Variants in C1orf141 observed in about 807,000 individuals in gnomAD.
The protein encoded by C1orf141 is chromosome 1 open reading frame 141.
In C1orf141, 19 loss-of-function variants were observed where a neutral mutation model predicts 23.2. That is an observed-to-expected ratio of 0.82 (90% CI 0.57 to 1.20). The LOEUF (loss-of-function observed/expected upper bound fraction) is 1.20, where lower values mean the gene tolerates loss of function less well. C1orf141 is among the 50% of genes most tolerant of loss of function. The pLI, the probability that C1orf141 is intolerant of heterozygous loss-of-function variation, is 0.00. For synonymous variants in C1orf141, 153 were observed against 154.6 expected, an observed-to-expected ratio of 0.99 and a Z score of 0.08; for missense variants, 469 against 455.1, an observed-to-expected ratio of 1.03 and a Z score of -0.28.
At position 67,093,111 on chromosome 1, in the gene C1orf141, G is replaced by C; in HGVS notation, c.1097C>G (p.Pro366Arg). Residue 366 changes from proline (P) to arginine (R), a missense_variant, in exon 8 of 8, where the codon CCT (proline) becomes CGT (arginine). Physicochemically the swap from Pro to Arg is moderately radical, Grantham distance 103. Around this residue, in one of 3 missense-constraint regions of C1orf141, gnomAD observed 370 missense variants for 348.1 expected, o/e 1.06. Transcript: ENST00000684719. Reference sequence around the variant, plus strand: ...AAAAGGCTTTGAGTAACATTTGACAGGTAAGGCACTGGATGTGGGTATGCT... The same window carrying C: ...AAAAGGCTTTGAGTAACATTTGACACGTAAGGCACTGGATGTGGGTATGCT... ...PTSIPTSSAL[P>R]VKCYSKPFKY... 1 of 1,613,770 alleles carries C rather than the reference G, an allele frequency of 6.2e-7. No individual in the cohort carries two copies. The highest frequency in any genetic ancestry group is 8.5e-7 in the Non-Finnish European group (1 of 1,179,730).
intron 1 of C1orf141, among the ~76,000 whole-genome samples, chr1:67,132,487 C>T (rs12563505): frequency 0.026 from 4,022 of 151,982 alleles, 65 homozygotes; most frequent in East Asian, 0.077. Flanking sequence ...CGTGCCACTG[C>T]ACTCCAGCCT....
rs765717641 is a variant in C1orf141, at chr1:67,093,569, G to T, written c.639C>A (p.Asp213Glu). 1.9e-6 allele frequency: 3 copies of T among 1,576,902 alleles called. No homozygotes were observed. Among genetic ancestry groups the T allele is most frequent in the South Asian group, 2.4e-5 (2 of 84,020 alleles). The change falls in exon 8 of 8, where the codon GAC becomes GAA. Residue 213 changes from aspartate to glutamate, a missense_variant. Coordinates refer to ENST00000684719, the MANE Select transcript of C1orf141 (RefSeq NM_001276351.2). ...QKDTNPIIFH[D>E]TEYVRMLLLT... Reference sequence around the variant, plus strand: ...AAAGTAACATTCGTACATATTCTGTGTCATGGAAAATTATGGGATTTGTGT... The same window carrying T: ...AAAGTAACATTCGTACATATTCTGTTTCATGGAAAATTATGGGATTTGTGT...
At position 67,125,801 on chromosome 1, in the gene C1orf141, T is replaced by C; in HGVS notation, c.184A>G (p.Ile62Val). The change falls in exon 4 of 8, where the codon ATA (isoleucine) becomes GTA (valine). Residue 62 changes from isoleucine (I) to valine (V), a missense_variant. Ile to Val is a conservative substitution (Grantham distance 29). Transcript: ENST00000684719. ...EALATSASKAISKIKEDKSCS... is the reference protein window; with the variant it reads ...EALATSASKAVSKIKEDKSCS... ...GACTTGTCTTCTTTGATCTTTGATA[T>C]TGCCTTAGACGCGGATGTAGCAAGA... The C allele has an allele frequency of 1.9e-6, 3 of 1,614,042 alleles. No individual in the cohort carries two copies. Among genetic ancestry groups the C allele is most frequent in the East Asian group, 2.2e-5 (1 of 44,884 alleles).
intron 4 of C1orf141, among the ~76,000 whole-genome samples, chr1:67,124,568 C>A (rs1011276698): frequency 3.3e-5 from 5 of 152,198 alleles, no homozygotes; most frequent in Non-Finnish European, 7.4e-5. Context: ...ATTCGCCCAC[C>A]TCAGCCTCCC....
intron 4 of C1orf141, among the ~76,000 whole-genome samples, chr1:67,125,539 A>C (rs1646389730): frequency 6.6e-6 from 1 of 152,106 alleles, no homozygotes; most frequent in South Asian, 2.1e-4. Flanking sequence ...CTCTATAAAA[A>C]ATACAAAAAA....
At chr1:67,093,637 A>G (rs1645603522) in intron 7 of C1orf141, 33 bp from the exon 8 acceptor site, 1 of 1,476,516 alleles carries the variant, frequency 6.8e-7, no homozygotes, top group Non-Finnish European at 9.0e-7. Flanking sequence ...ATTAGTCATA[A>G]GTTCATTGAG....
chr1:67,113,302 C>A (rs572961106), intron 5 of C1orf141, among the ~76,000 whole-genome samples: 49 of 152,106 alleles, frequency 3.2e-4, no homozygotes, highest in African/African-American at 1.2e-3. Flanking sequence ...TAAATGAAGG[C>A]CAGGGAGGTA....
chr1:67,106,053 A>C (rs867934805), intron 5 of C1orf141, among the ~76,000 whole-genome samples: 60 of 152,326 alleles, frequency 3.9e-4, no homozygotes, highest in Middle Eastern at 3.4e-3. Flanking sequence ...AACTCCTGCA[A>C]GCAGACAGCT....
At chr1:67,123,423 C>T in intron 4 of C1orf141, 1 of 152,018 alleles carries the variant, frequency 6.6e-6, no homozygotes, top group South Asian at 2.1e-4. Context: ...CTCAACTGAT[C>T]TTGACTTTCT....
At chr1:67,099,048 G>T (rs900926985) in intron 5 of C1orf141, among the ~76,000 whole-genome samples, 1 of 152,152 alleles carries the variant, frequency 6.6e-6, no homozygotes, top group Non-Finnish European at 1.5e-5. Context: ...GAAGAAAATA[G>T]AGGAAATTGT....
chr1:67,127,179 G>T lies in C1orf141; in HGVS notation c.62C>A (p.Ala21Asp). Residue 21 changes from alanine (A) to aspartate (D), a missense_variant, in exon 3 of 8, where the codon GCC becomes GAC. Physicochemically the swap from Ala to Asp is moderately radical, Grantham distance 126 (BLOSUM62 -2). Coordinates refer to ENST00000684719, the MANE Select transcript of C1orf141 (RefSeq NM_001276351.2). ...VLDKQAEIIL[A>D]RRTKINRLQS... ...TACGTCACAAACCTTTGTTCTTCTG[G>T]CCAAGATTATCTCTGCTTGCTTATC... 1 of 1,605,828 alleles carries T rather than the reference G, an allele frequency of 6.2e-7. No individual in the cohort carries two copies. Among genetic ancestry groups the T allele is most frequent in the Non-Finnish European group, 8.5e-7 (1 of 1,176,494 alleles).
intron 5 of C1orf141, among the ~76,000 whole-genome samples, chr1:67,114,639 G>T (rs929569332): frequency 6.6e-6 from 1 of 152,164 alleles, no homozygotes; most frequent in Non-Finnish European, 1.5e-5. Context: ...AATTCTCTGA[G>T]AACTGATAAT....
In C1orf141 at chr1:67,096,328, T is replaced by C; in HGVS notation, c.347-7A>G. On this transcript the variant is annotated splice_polypyrimidine_tract_variant and splice_region_variant and intron_variant, in intron 5 of 7. Coordinates refer to ENST00000684719, the MANE Select transcript of C1orf141 (RefSeq NM_001276351.2). ...GGTTTTTTTTCAATTTGAGCTGAAATTTTAAAAGATTTTCATAAAAGACAC... is the reference window on the plus strand; with the variant it reads ...GGTTTTTTTTCAATTTGAGCTGAAACTTTAAAAGATTTTCATAAAAGACAC... 1.4e-6 allele frequency: 2 copies of C among 1,415,796 alleles called. No individual in the cohort carries two copies. The highest frequency in any genetic ancestry group is 2.3e-5 in the East Asian group (1 of 43,730). The allele number at this position is 1,415,796 out of a possible 1,614,324, so 87.7% of individuals were successfully genotyped here. A position where few individuals can be genotyped will look rare whatever the true frequency, so the allele number is the denominator to read the frequency against.
chr1:67,100,732 A>G (rs1222688507), intron 5 of C1orf141, among the ~76,000 whole-genome samples: 2 of 150,426 alleles, frequency 1.3e-5, no homozygotes, highest in Non-Finnish European at 1.5e-5. Context: ...TTGTCCAAAA[A>G]CAATAGATGT....
rs777890551 is a variant in C1orf141 at position 67,115,349 on chromosome 1, TA to T, written c.346+2del. 2 of 1,018,736 alleles carry T rather than the reference TA, an allele frequency of 2.0e-6. No individual in the cohort carries two copies. The highest frequency in any genetic ancestry group is 4.0e-5 in the Admixed American group (2 of 50,536). 63.1% of individuals were successfully genotyped at this position (1,018,736 alleles called of 1,614,324 possible). ...GAAGTAAATATGTTACACAAAGCATTACCTGTTGACTCACTTTCTTTATTTT... is the reference window on the plus strand; with the variant it reads ...GAAGTAAATATGTTACACAAAGCATTCCTGTTGACTCACTTTCTTTATTTT... On this transcript the variant is annotated splice_donor_variant, in intron 5 of 7. Coordinates refer to ENST00000684719, the MANE Select transcript of C1orf141 (RefSeq NM_001276351.2). LOFTEE classifies it high-confidence loss of function.
At chr1:67,130,811 A>G (rs1242194902) in intron 2 of C1orf141, among the ~76,000 whole-genome samples, 1 of 152,230 alleles carries the variant, frequency 6.6e-6, no homozygotes, top group Non-Finnish European at 1.5e-5. Flanking sequence ...TATTAATTTC[A>G]TATTTTGAAA....
chr1:67,097,173 G>A (rs906915382), intron 5 of C1orf141, among the ~76,000 whole-genome samples: 1 of 151,888 alleles, frequency 6.6e-6, no homozygotes, highest in Admixed American at 6.6e-5. Flanking sequence ...AGCTGGGGCA[G>A]TATACTAAGA....
At chr1:67,100,832 T>C (rs1261690049) in intron 5 of C1orf141, among the ~76,000 whole-genome samples, 1 of 152,170 alleles carries the variant, frequency 6.6e-6, no homozygotes, top group East Asian at 1.9e-4. Context: ...CGTTACCTTA[T>C]ATTATGAGTT....
intron 4 of C1orf141, among the ~76,000 whole-genome samples, chr1:67,119,896 C>G (rs1646266069): frequency 6.6e-6 from 1 of 152,234 alleles, no homozygotes; most frequent in Non-Finnish European, 1.5e-5. Context: ...ACTCCCACAA[C>G]AGGCCCAGAG....
Sources: allele counts gnomAD v4.1 joint callset (sites outside exome capture counted in the v4.1 genomes callset), GRCh38; gene constraint gnomAD v4.1.1; regional missense constraint gnomAD v4.1.1; transcripts MANE v1.5; gene names NCBI Gene and HGNC (gene_info 2026-07-23, HGNC 2026-07-21).